The following C1orf21 variants were observed in gnomAD, a reference collection of about 807,000 sequenced individuals.
C1orf21 encodes the protein chromosome 1 open reading frame 21, also known as uncharacterized protein C1orf21.
C1orf21 carries 3 observed loss-of-function variants against 18.7 expected under a neutral mutation model. The ratio of observed to expected loss-of-function variants is 0.16; its 90% confidence interval spans 0.07 to 0.42. C1orf21 has a LOEUF of 0.42. Ranked by LOEUF, C1orf21 falls within the 10% of genes least tolerant of loss-of-function variation. The probability of loss-of-function intolerance (pLI) is 0.99; values close to 1 mark genes in which losing one functional copy is unlikely to be tolerated. For synonymous variants in C1orf21, 41 were observed against 46.4 expected, an observed-to-expected ratio of 0.88 and a Z score of 0.47; for missense variants, 104 against 143.6, an observed-to-expected ratio of 0.72 and a Z score of 1.41.
chr1:184,540,727 A>T lies in C1orf21; in HGVS notation c.189+33045A>T, dbSNP rs144380346. Among the ~76,000 whole-genome samples, 1,047 of 152,304 alleles carry T rather than the reference A, an allele frequency of 6.9e-3. 11 individuals are homozygous for T. Among genetic ancestry groups the T allele is most frequent in the African/African-American group, 0.024 (1,000 of 41,586 alleles). On this transcript the variant is annotated intron_variant, in intron 3 of 5. Transcript: ENST00000235307. Reference sequence around the variant, plus strand: ...ATTACAGGCGTGAGCCACCGTGCCCAGCCAGGAATTTCTAATCTAGTTTTA... The same window carrying T: ...ATTACAGGCGTGAGCCACCGTGCCCTGCCAGGAATTTCTAATCTAGTTTTA...
chr1:184,418,922 G>T (rs1313910819), intron 1 of C1orf21, among the ~76,000 whole-genome samples: 2 of 152,188 alleles, frequency 1.3e-5, no homozygotes, highest in African/African-American at 2.4e-5. Flanking sequence ...ATGACCATAT[G>T]TTTTGTTATA....
At chr1:184,437,638 G>A (rs527259570) in intron 1 of C1orf21, among the ~76,000 whole-genome samples, 1 of 151,934 alleles carries the variant, frequency 6.6e-6, no homozygotes, top group Admixed American at 6.6e-5. Flanking sequence ...AGCGATCTTC[G>A]GCCTTTTTGG....
intron 5 of C1orf21, among the ~76,000 whole-genome samples, chr1:184,613,202 G>A (rs942406988): frequency 2.6e-5 from 4 of 152,124 alleles, no homozygotes; most frequent in African/African-American, 9.7e-5. Flanking sequence ...CACCCACCTC[G>A]GCCTCCCAAA....
At chr1:184,532,098 A>G (rs1658470483) in intron 3 of C1orf21, among the ~76,000 whole-genome samples, 1 of 151,654 alleles carries the variant, frequency 6.6e-6, no homozygotes. Flanking sequence ...GATTTTCCCT[A>G]GAAAGCCAGA....
At position 184,437,380 on chromosome 1, in the gene C1orf21, A is replaced by G. The variant is rs145462109; in HGVS notation, c.-124-40006A>G. Among the ~76,000 whole-genome samples, 220 of 152,224 alleles carry G rather than the reference A, an allele frequency of 1.4e-3. 2 individuals are homozygous for G. The highest frequency in any genetic ancestry group is 4.8e-3 in the African/African-American group (200 of 41,548). On this transcript the variant is annotated intron_variant, in intron 1 of 5. Coordinates refer to ENST00000235307, the MANE Select transcript of C1orf21 (RefSeq NM_030806.4). ...ATCGATCAGGAAATCCTTGTCTCAT[A>G]AGAAGTTCCACCCAGACCTTCCCTT...
At chr1:184,419,188 T>C (rs1656506743) in intron 1 of C1orf21, among the ~76,000 whole-genome samples, 1 of 152,180 alleles carries the variant, frequency 6.6e-6, no homozygotes, top group Non-Finnish European at 1.5e-5. Context: ...ATTTCCTCTT[T>C]CCAAGCCTCT....
chr1:184,543,100 T>C (rs1658680031), intron 3 of C1orf21, among the ~76,000 whole-genome samples: 1 of 152,206 alleles, frequency 6.6e-6, no homozygotes, highest in Non-Finnish European at 1.5e-5. Context: ...CCTGTAATCC[T>C]GGCACTTTGG....
At chr1:184,429,497 G>A (rs1049869653) in intron 1 of C1orf21, among the ~76,000 whole-genome samples, 1 of 152,148 alleles carries the variant, frequency 6.6e-6, no homozygotes, top group Non-Finnish European at 1.5e-5. Context: ...GACAGTTTTT[G>A]TACGTGTTTC....
At chr1:184,398,685 G>T (rs1009509583) in intron 1 of C1orf21, among the ~76,000 whole-genome samples, 11 of 152,132 alleles carry the variant, frequency 7.2e-5, no homozygotes. Flanking sequence ...TTGCTCCTAG[G>T]CTATAGACCT....
chr1:184,596,732 G>A (rs756918875), intron 4 of C1orf21, among the ~76,000 whole-genome samples: 5 of 152,064 alleles, frequency 3.3e-5, no homozygotes, highest in African/African-American at 4.8e-5. Context: ...TTAGCTGTAC[G>A]TGGTGGCTCA....
intron 2 of C1orf21, among the ~76,000 whole-genome samples, chr1:184,504,558 T>A (rs1361879650): frequency 3.3e-5 from 5 of 152,230 alleles, no homozygotes; most frequent in Non-Finnish European, 7.3e-5. Flanking sequence ...GATGGCTGCC[T>A]TGCCTTGGGA....
intron 3 of C1orf21, among the ~76,000 whole-genome samples, chr1:184,509,494 T>C (rs1463436557): frequency 6.6e-6 from 1 of 152,152 alleles, no homozygotes; most frequent in African/African-American, 2.4e-5. Flanking sequence ...TAAATAGCTA[T>C]CTTTGATCTG....
chr1:184,405,068 AC>A (rs1284693151), intron 1 of C1orf21, among the ~76,000 whole-genome samples: 1 of 152,212 alleles, frequency 6.6e-6, no homozygotes, highest in Non-Finnish European at 1.5e-5. Context: ...AAATTTTAAA[AC>A]CTTTTTCTTA....
At chr1:184,565,385 T>C (rs929102794) in intron 3 of C1orf21, among the ~76,000 whole-genome samples, 18 of 152,358 alleles carry the variant, frequency 1.2e-4, no homozygotes, top group African/African-American at 4.3e-4. Flanking sequence ...AAACTAAGGC[T>C]CTAAGAGTTT....
At chr1:184,431,291 A>G (rs963262435) in intron 1 of C1orf21, among the ~76,000 whole-genome samples, 2 of 152,212 alleles carry the variant, frequency 1.3e-5, no homozygotes, top group Non-Finnish European at 2.9e-5. Context: ...ATGGAACAGA[A>G]CAGAGGCCTC....
intron 1 of C1orf21, among the ~76,000 whole-genome samples, chr1:184,428,510 C>T (rs1354295663): frequency 6.6e-6 from 1 of 152,138 alleles, no homozygotes; most frequent in Non-Finnish European, 1.5e-5. Context: ...GGGCTGGTCA[C>T]ACTTCATGTT....
chr1:184,467,053 C>T (rs1395818803), intron 1 of C1orf21, among the ~76,000 whole-genome samples: 1 of 152,062 alleles, frequency 6.6e-6, no homozygotes, highest in East Asian at 1.9e-4. Flanking sequence ...ATTTAAGATT[C>T]TCTATGATGG....
chr1:184,605,011 C>G (rs1165675983), intron 5 of C1orf21, among the ~76,000 whole-genome samples: 1 of 152,066 alleles, frequency 6.6e-6, no homozygotes, highest in East Asian at 1.9e-4. Context: ...CAACAACACT[C>G]TGAACTCAAT....
At chr1:184,501,168 C>T (rs1379319540) in intron 2 of C1orf21, among the ~76,000 whole-genome samples, 3 of 152,214 alleles carry the variant, frequency 2.0e-5, no homozygotes, top group Non-Finnish European at 4.4e-5. Context: ...TGCCTGGACA[C>T]TGGCCAGGGA....
Sources: gnomAD v4.1 joint callset for allele counts (sites outside exome capture counted in the v4.1 genomes callset) on GRCh38, gnomAD v4.1.1 for gene constraint, MANE v1.5 for transcripts, NCBI Gene and HGNC (gene_info 2026-07-23, HGNC 2026-07-21) for gene names.